Variants in NCOR1 observed in about 807,000 individuals in gnomAD.
NCOR1 encodes the protein protein phosphatase 1, regulatory subunit 109.
Under a neutral mutation model 288.1 loss-of-function variants are expected in NCOR1, and 63 were observed. That is an observed-to-expected ratio of 0.22 (90% CI 0.18 to 0.27). NCOR1 has a LOEUF of 0.27. NCOR1 is among the 10% of genes least tolerant of loss of function. NCOR1 has a pLI of 1.00. For missense variants in NCOR1, 2,397 were observed against 3,019.2 expected, an observed-to-expected ratio of 0.79 and a Z score of 4.83; for synonymous variants, 1,007 against 1,065.9, an observed-to-expected ratio of 0.94 and a Z score of 1.08.
In NCOR1 at chr17:16,058,436, T is replaced by C. The variant is rs201199472; in HGVS notation, c.6010+35A>G. The C allele has an allele frequency of 1.1e-5, 17 of 1,604,462 alleles. No homozygotes were observed. In the Admixed American group the frequency reaches 2.4e-4, roughly 23 times the overall value. On this transcript the variant is annotated intron_variant, in intron 38 of 45. Transcript: ENST00000268712. ...TAGAAGCAAATGATAAATGCAAATATGAAAACATGTAAATGGTAGCTTAAG... is the reference window on the plus strand; with the variant it reads ...TAGAAGCAAATGATAAATGCAAATACGAAAACATGTAAATGGTAGCTTAAG...
chr17:16,213,489 C>CAAAA lies in NCOR1; in HGVS notation c.-71+1869_-71+1872dup, dbSNP rs537795184. On this transcript the variant is annotated intron_variant, in intron 1 of 45. Coordinates refer to ENST00000268712, the MANE Select transcript of NCOR1 (RefSeq NM_006311.4). ...CCTGGGTGACAGAGCAAGACTGTCT[C>CAAAA]AAAAAAAAAAAAAAAAAAAAGATAA... Among the ~76,000 whole-genome samples, 76 of 78,132 alleles carry CAAAA rather than the reference C, an allele frequency of 9.7e-4. 3 individuals carry two copies. The highest frequency in any genetic ancestry group is 1.5e-3 in the African/African-American group (36 of 23,952). 51.3% of individuals were successfully genotyped at this position (78,132 alleles called of 152,430 possible). A position where few individuals can be genotyped will look rare whatever the true frequency, so the allele number is the denominator to read the frequency against.
intron 16 of NCOR1, among the ~76,000 whole-genome samples, 188 bp downstream of exon 16, chr17:16,120,864 T>G (rs560908900): frequency 5.5e-4 from 83 of 152,290 alleles, no homozygotes; most frequent in Admixed American, 1.2e-3. Context: ...ACAGCTATAT[T>G]GGGGTGGCAA....
intron 22 of NCOR1, among the ~76,000 whole-genome samples, chr17:16,089,713 T>C (rs561653977): frequency 1.3e-5 from 2 of 152,252 alleles, no homozygotes; most frequent in South Asian, 4.2e-4. Flanking sequence ...TAAACTGTTC[T>C]ATGAGGTTAA....
chr17:16,132,343 T>C (rs2075774505), intron 14 of NCOR1, among the ~76,000 whole-genome samples: 1 of 152,120 alleles, frequency 6.6e-6, no homozygotes, highest in African/African-American at 2.4e-5. Flanking sequence ...GCAGTTTATG[T>C]TGGAAAAATG....
At chr17:16,205,724 G>A (rs1478156862) in intron 1 of NCOR1, among the ~76,000 whole-genome samples, 1 of 151,426 alleles carries the variant, frequency 6.6e-6, no homozygotes, top group Non-Finnish European at 1.5e-5. Flanking sequence ...GATCACCTGA[G>A]GTCGAGAGTT....
Position 16,039,460 on chromosome 17 carries a change from C to G in NCOR1, c.6928G>C (p.Glu2310Gln), listed in dbSNP as rs1025460116. 6.2e-7 allele frequency: 1 copy of G among 1,614,076 alleles called. No homozygotes were observed. Among genetic ancestry groups the G allele is most frequent in the Non-Finnish European group, 8.5e-7 (1 of 1,180,012 alleles). ...SVVTSGETRR[E>Q]EGDPSPHSGG... The stretch of plus-strand genomic sequence containing the variant: ...GAATGAGGTGATGGGTCCCCTTCCT[C>G]TCTTCGTGTCTCACCACTGGTCACA... The change falls in exon 44 of 46, where the codon GAG (glutamate) becomes CAG (glutamine). Residue 2310 changes from glutamate to glutamine, a missense_variant. Physicochemically the swap from Glu to Gln is conservative, Grantham distance 29 (BLOSUM62 2). This residue lies in a region of NCOR1 where 1,872 missense variants were observed against 2,187.8 expected (regional missense o/e 0.86). Coordinates refer to ENST00000268712, the MANE Select transcript of NCOR1 (RefSeq NM_006311.4).
intron 42 of NCOR1, chr17:16,040,911 C>A (rs2057441071): frequency 5.6e-6 from 1 of 178,452 alleles, no homozygotes; most frequent in South Asian, 1.2e-4. Context: ...GCAGTGTAAC[C>A]CAGAAAAGGG....
intron 3 of NCOR1, among the ~76,000 whole-genome samples, chr17:16,172,564 A>C (rs180894997): frequency 1.8e-4 from 27 of 152,336 alleles, no homozygotes; most frequent in Admixed American, 3.9e-4. Context: ...GCAAGAAATA[A>C]AAATCTCCCA....
chr17:16,057,828 A>G, intron 39 of NCOR1, 79 bp downstream of exon 39: 3 of 1,482,958 alleles, frequency 2.0e-6, no homozygotes, highest in Non-Finnish European at 1.8e-6. Flanking sequence ...TTTATTATAA[A>G]TTTCTTTTTC....
At chr17:16,203,455 GGCT>G (rs2091112559) in intron 1 of NCOR1, among the ~76,000 whole-genome samples, 1 of 152,066 alleles carries the variant, frequency 6.6e-6, no homozygotes, top group South Asian at 2.1e-4. Context: ...TCATTCAGGT[GGCT>G]AGCTCCTCCT....
In NCOR1 at chr17:16,143,525, T is replaced by TA. The variant is rs2077437813; in HGVS notation, c.1173+80dup. 6 of 1,080,310 alleles carry TA rather than the reference T, an allele frequency of 5.6e-6. No individual in the cohort carries two copies. The South Asian group carries it at 8.5e-5, about 15-fold the overall frequency. The allele number at this position is 1,080,310 out of a possible 1,614,324, so 66.9% of individuals were successfully genotyped here. A position where few individuals can be genotyped will look rare whatever the true frequency, so the allele number is the denominator to read the frequency against. ...ACTCAATTAAGTTCCCACATTTACA[T>TA]ACAAAAAAACCCTTAGCTCCTACAG... On this transcript the variant is annotated intron_variant, in intron 11 of 45. Transcript: ENST00000268712.
At chr17:16,172,520 A>G (rs1395806458) in intron 3 of NCOR1, among the ~76,000 whole-genome samples, 1 of 152,258 alleles carries the variant, frequency 6.6e-6, no homozygotes. Flanking sequence ...ATAAACCAGA[A>G]GAGCCACCAT....
chr17:16,094,051 C>CA (rs747521467), intron 21 of NCOR1, among the ~76,000 whole-genome samples: 37 of 152,034 alleles, frequency 2.4e-4, no homozygotes, highest in Admixed American at 1.4e-3. Flanking sequence ...GCGCATGGCA[C>CA]CATGCGGAGC....
chr17:16,121,785 C>T (rs1038708395), intron 15 of NCOR1, among the ~76,000 whole-genome samples: 2 of 152,212 alleles, frequency 1.3e-5, no homozygotes, highest in African/African-American at 4.8e-5. Flanking sequence ...ACTCAATACT[C>T]TAAATCATGT....
intron 14 of NCOR1, among the ~76,000 whole-genome samples, chr17:16,127,673 ATGTG>A (rs1462158928): frequency 6.9e-6 from 1 of 144,974 alleles, no homozygotes; most frequent in South Asian, 2.1e-4. Flanking sequence ...ATATGTATAT[ATGTG>A]TATGTGTATA....
At chr17:16,044,330 C>T in intron 42 of NCOR1, 1 of 466,392 alleles carries the variant, frequency 2.1e-6, no homozygotes, top group South Asian at 1.6e-5. Flanking sequence ...GACACTGGCT[C>T]ATCCTTTTTT....
At chr17:16,163,710 T>C (rs2081372130) in intron 5 of NCOR1, among the ~76,000 whole-genome samples, 1 of 152,114 alleles carries the variant, frequency 6.6e-6, no homozygotes, top group Non-Finnish European at 1.5e-5. Flanking sequence ...ATGAATCTCA[T>C]CACAATACAT....
rs576313924 is a variant in NCOR1 at position 16,171,901 on chromosome 17, G to C, written c.337C>G (p.Gln113Glu). The C allele has an allele frequency of 1.9e-6, 3 of 1,613,346 alleles. No homozygotes were observed. The South Asian group carries it at 3.3e-5, about 18-fold the overall frequency. ...CGCTGAAAATGAGAATCAGAAACCT[G>C]TTCCAGACGTGGTCGCTTCGATTCC... is the stretch of plus-strand genomic sequence containing the variant. ...SLESKRPRLEQVSDSHFQRVS... is the reference protein window; with the variant it reads ...SLESKRPRLEEVSDSHFQRVS... Residue 113 changes from glutamine to glutamate, a missense_variant, in exon 4 of 46, where the codon CAG (glutamine) becomes GAG (glutamate). Physicochemically the swap from Gln to Glu is conservative, Grantham distance 29. Around this residue, in one of 11 missense-constraint regions of NCOR1, gnomAD observed 110 missense variants for 123.2 expected, o/e 0.89. Coordinates refer to ENST00000268712, the MANE Select transcript of NCOR1 (RefSeq NM_006311.4).
Position 16,068,044 on chromosome 17 carries a change from C to A in NCOR1, c.4591G>T (p.Ala1531Ser), listed in dbSNP as rs748510312. ...LTPTQRESIPAKSPVPGVDPV... is the reference protein window; with the variant it reads ...LTPTQRESIPSKSPVPGVDPV... ...TCCACCCCAGGCACTGGAGACTTCGCTGGGATACTTTCCCTCTGGGTAGGG... is the reference window on the plus strand; with the variant it reads ...TCCACCCCAGGCACTGGAGACTTCGATGGGATACTTTCCCTCTGGGTAGGG... Residue 1531 changes from alanine to serine, a missense_variant, in exon 32 of 46, where the codon GCG becomes TCG. Around this residue, in one of 11 missense-constraint regions of NCOR1, gnomAD observed 1,872 missense variants for 2,187.8 expected, o/e 0.86. Transcript: ENST00000268712. 5 of 1,614,060 alleles carry A rather than the reference C, an allele frequency of 3.1e-6. No individual in the cohort carries two copies. The South Asian group carries it at 3.3e-5, about 11-fold the overall frequency.
Sources: gnomAD v4.1 joint callset for allele counts (sites outside exome capture counted in the v4.1 genomes callset) on GRCh38, gnomAD v4.1.1 for gene constraint, gnomAD v4.1.1 regional missense constraint, MANE v1.5 for transcripts, NCBI Gene and HGNC (gene_info 2026-07-23, HGNC 2026-07-21) for gene names.